TMEM117: variants seen among roughly 807,000 people sequenced by gnomAD.
The protein encoded by TMEM117 is transmembrane protein 117.
TMEM117 carries 27 observed loss-of-function variants against 52.4 expected under a neutral mutation model. The observed-to-expected ratio is 0.51, with a 90% CI of 0.38 to 0.71. The LOEUF (loss-of-function observed/expected upper bound fraction) is 0.71, where lower values mean the gene tolerates loss of function less well. TMEM117 is among the 30% of genes least tolerant of loss of function. TMEM117 has a pLI of 0.00. For missense variants in TMEM117, 556 were observed against 630.5 expected (o/e 0.88, Z 1.26); for synonymous variants, 215 against 206.3 (o/e 1.04, Z -0.36).
intron 5 of TMEM117, among the ~76,000 whole-genome samples, chr12:44,216,284 G>T (rs751205906): frequency 5.0e-4 from 76 of 152,000 alleles, no homozygotes; most frequent in Non-Finnish European, 9.9e-4. Flanking sequence ...GGGATTACAG[G>T]CATGAGCCAC....
intron 3 of TMEM117, among the ~76,000 whole-genome samples, chr12:43,984,744 A>T (rs747827978): frequency 3.9e-5 from 6 of 152,166 alleles, no homozygotes; most frequent in Non-Finnish European, 7.4e-5. Flanking sequence ...TAGTCCAAAG[A>T]GGTAAAGGAA....
intron 4 of TMEM117, among the ~76,000 whole-genome samples, chr12:44,166,514 G>T (rs963849532): frequency 6.6e-6 from 1 of 152,134 alleles, no homozygotes. Flanking sequence ...ATTTTAGAGG[G>T]AGAGTCAGTA....
intron 3 of TMEM117, among the ~76,000 whole-genome samples, chr12:44,107,820 A>G (rs775074870): frequency 1.3e-5 from 2 of 152,190 alleles, no homozygotes; most frequent in African/African-American, 2.4e-5. Context: ...GGCAAAAATT[A>G]TATCCACAAA....
chr12:44,326,210 T>A (rs1373507397), intron 6 of TMEM117, among the ~76,000 whole-genome samples: 1 of 152,144 alleles, frequency 6.6e-6, no homozygotes, highest in Non-Finnish European at 1.5e-5. Flanking sequence ...TGTTTTTTAT[T>A]TAAAAAAAAG....
chr12:43,804,627 C>T, the TMEM117 span: 3 of 1,236,740 alleles, frequency 2.4e-6, no homozygotes, highest in Admixed American at 2.3e-5. Context: ...AAATACTTTC[C>T]TATCTATATT....
chr12:44,153,387 T>C (rs1180021778), intron 4 of TMEM117, among the ~76,000 whole-genome samples: 5 of 152,084 alleles, frequency 3.3e-5, no homozygotes, highest in African/African-American at 1.2e-4. Context: ...ATGTGGCATA[T>C]AGACATAGAT....
intron 5 of TMEM117, among the ~76,000 whole-genome samples, chr12:44,240,024 T>C (rs1448942557): frequency 2.0e-5 from 3 of 152,072 alleles, no homozygotes; most frequent in Non-Finnish European, 4.4e-5. Flanking sequence ...TGCATGCAGA[T>C]GAAAAAAGAT....
At chr12:43,837,967 A>G (rs998901749) in intron 1 of TMEM117, among the ~76,000 whole-genome samples, 2 of 152,222 alleles carry the variant, frequency 1.3e-5, no homozygotes, top group African/African-American at 4.8e-5. Flanking sequence ...TAAATTAGCT[A>G]AGGTACCACA....
At chr12:44,084,880 A>C (rs891127949) in intron 3 of TMEM117, among the ~76,000 whole-genome samples, 1 of 152,226 alleles carries the variant, frequency 6.6e-6, no homozygotes, top group Non-Finnish European at 1.5e-5. Context: ...TCTGAAATCC[A>C]GTTTCTGAAG....
At chr12:43,832,615 A>C (rs1942989283), upstream of TMEM117, among the ~76,000 whole-genome samples, 1 of 152,236 alleles carries the variant, frequency 6.6e-6, no homozygotes, top group Admixed American at 6.5e-5. Flanking sequence ...GCCAGAATTT[A>C]TACCAATATT....
chr12:43,843,565 T>A (rs1263375515), intron 1 of TMEM117, among the ~76,000 whole-genome samples: 3 of 152,238 alleles, frequency 2.0e-5, no homozygotes, highest in Admixed American at 6.5e-5. Context: ...GGTTAGGACC[T>A]ACTACTGTGG....
intron 6 of TMEM117, among the ~76,000 whole-genome samples, chr12:44,327,910 G>A (rs1951218017): frequency 6.6e-6 from 1 of 152,124 alleles, no homozygotes; most frequent in Admixed American, 6.6e-5. Context: ...AGCTGTCATG[G>A]AATGCCCATT....
At chr12:44,210,091 C>T (rs1240973379) in intron 4 of TMEM117, among the ~76,000 whole-genome samples, 10 of 152,056 alleles carry the variant, frequency 6.6e-5, no homozygotes, top group East Asian at 1.9e-4. Context: ...TAGTGGATGA[C>T]GAAAATTCTC....
chr12:43,807,540 A>G, the TMEM117 span, among the ~76,000 whole-genome samples: 1 of 152,234 alleles, frequency 6.6e-6, no homozygotes, highest in Non-Finnish European at 1.5e-5. Context: ...TTTTGACTAC[A>G]TTGCTGAGCA....
At chr12:43,864,157 G>A (rs976590434) in intron 2 of TMEM117, among the ~76,000 whole-genome samples, 1 of 152,170 alleles carries the variant, frequency 6.6e-6, no homozygotes, top group Non-Finnish European at 1.5e-5. Flanking sequence ...CCTGCAGCCT[G>A]CCATGCCTGA....
intron 7 of TMEM117, among the ~76,000 whole-genome samples, chr12:44,386,553 T>C (rs1952090829): frequency 6.6e-6 from 1 of 152,118 alleles, no homozygotes; most frequent in Admixed American, 6.6e-5. Context: ...AAGTTGCACC[T>C]TCTCATGCAA....
At chr12:44,377,914 G>A (rs912313078) in intron 7 of TMEM117, among the ~76,000 whole-genome samples, 11 of 152,196 alleles carry the variant, frequency 7.2e-5, no homozygotes, top group Non-Finnish European at 1.5e-4. Context: ...CTCATGAATA[G>A]GGAAGATGCA....
chr12:44,101,425 A>G (rs1947858864), intron 3 of TMEM117, among the ~76,000 whole-genome samples: 1 of 151,870 alleles, frequency 6.6e-6, no homozygotes, highest in South Asian at 2.1e-4. Flanking sequence ...TCTGTCCATT[A>G]ACGTTCCCTG....
intron 6 of TMEM117, among the ~76,000 whole-genome samples, chr12:44,339,853 A>G (rs1377908085): frequency 1.3e-5 from 2 of 151,708 alleles, no homozygotes; most frequent in Non-Finnish European, 2.9e-5. Context: ...TATATAATAT[A>G]TCCAATATAC....
Sources: gnomAD v4.1 joint callset for allele counts (sites outside exome capture counted in the v4.1 genomes callset) on GRCh38, gnomAD v4.1.1 for gene constraint, MANE v1.5 for transcripts, NCBI Gene and HGNC (gene_info 2026-07-23, HGNC 2026-07-21) for gene names.